Variants in MED1 observed in about 807,000 individuals in gnomAD.
MED1 encodes mediator complex subunit 1.
MED1 carries 17 observed loss-of-function variants against 121.3 expected under a neutral mutation model. The observed-to-expected ratio is 0.14, with a 90% CI of 0.10 to 0.21. The LOEUF (loss-of-function observed/expected upper bound fraction) is 0.21. Ranked by LOEUF, MED1 falls within the 10% of genes least tolerant of loss-of-function variation. The pLI is 1.00. For synonymous variants in MED1, 661 were observed against 694.4 expected (o/e 0.95, Z 0.76); for missense variants, 1,558 against 1,919.4 (o/e 0.81, Z 3.52).
chr17:39,443,458 C>A, intron 3 of MED1, 92 bp downstream of exon 3: 1 of 1,051,948 alleles, frequency 9.5e-7, no homozygotes. Context: ...AGTTGACCTA[C>A]CTCAATTTTT....
chr17:39,437,562 T>C (rs991847734), intron 6 of MED1, among the ~76,000 whole-genome samples: 1 of 152,108 alleles, frequency 6.6e-6, no homozygotes, highest in Non-Finnish European at 1.5e-5. Context: ...CAAATTGTCA[T>C]TAGTACCAAG....
rs765299001 is a variant in MED1, at chr17:39,410,603, G to A, written c.1618C>T (p.Leu540=). 6.2e-7 allele frequency: 1 copy of A among 1,614,202 alleles called. No homozygotes were observed. The highest frequency in any genetic ancestry group is 1.7e-5 in the Admixed American group (1 of 60,010). The change falls in exon 17 of 17, where the codon CTG becomes TTG. Residue 540 remains leucine, a synonymous_variant. Coordinates refer to ENST00000300651, the MANE Select transcript of MED1 (RefSeq NM_004774.4). Reference sequence around the variant, plus strand: ...TACCCTGGGCTGCTAGCCGGGGGCAGGTTCTTTTTCACCATGTCTTCAACT... The same window carrying A: ...TACCCTGGGCTGCTAGCCGGGGGCAAGTTCTTTTTCACCATGTCTTCAACT... ...ETVEDMVKKN[L]PPASSPGYGM...
In MED1 at chr17:39,423,332, A is replaced by T; in HGVS notation, c.1090T>A (p.Tyr364Asn). Residue 364 changes from tyrosine (Y) to asparagine (N), a missense_variant, in exon 13 of 17, where the codon TAT (tyrosine) becomes AAT (asparagine). This residue lies in a region of MED1 where 443 missense variants were observed against 532.4 expected (regional missense o/e 0.83). Coordinates refer to ENST00000300651, the MANE Select transcript of MED1 (RefSeq NM_004774.4). ...PIPLNHNMRF[Y>N]AALPGQQHCY... Reference sequence around the variant, plus strand: ...CTCCCTAGGGCTTTACTTACAGCATAAAATCTCATGTTGTGATTCAAAGGT... The same window carrying T: ...CTCCCTAGGGCTTTACTTACAGCATTAAATCTCATGTTGTGATTCAAAGGT... 1 of 1,597,734 alleles carries T rather than the reference A, an allele frequency of 6.3e-7. No individual in the cohort carries two copies. The highest frequency in any genetic ancestry group is 1.3e-5 in the African/African-American group (1 of 74,670).
chr17:39,408,977 G>T lies in MED1; in HGVS notation c.3244C>A (p.Gln1082Lys). Reference protein sequence around the residue: ...VMVGKPSSHSQYTSSGSVSSS... With the variant: ...VMVGKPSSHSKYTSSGSVSSS... Reference sequence around the variant, plus strand: ...GACACAGAACCACTGCTGGTATACTGACTGTGAGAGGAAGGCTTGCCCACC... The same window carrying T: ...GACACAGAACCACTGCTGGTATACTTACTGTGAGAGGAAGGCTTGCCCACC... Residue 1082 changes from glutamine (Q) to lysine (K), a missense_variant, in exon 17 of 17, where the codon CAG becomes AAG. Physicochemically the swap from Gln to Lys is moderately conservative, Grantham distance 53 (BLOSUM62 1). Coordinates refer to ENST00000300651, the MANE Select transcript of MED1 (RefSeq NM_004774.4). This position sits in a 1 kb window ranked among gnomAD's most constrained non-coding sequence, Gnocchi z 4.7. 6.2e-7 allele frequency: 1 copy of T among 1,614,164 alleles called. No individual in the cohort carries two copies. The highest frequency in any genetic ancestry group is 1.1e-5 in the South Asian group (1 of 91,064).
chr17:39,437,826 C>T (rs992295681), intron 6 of MED1, among the ~76,000 whole-genome samples: 6 of 151,562 alleles, frequency 4.0e-5, no homozygotes, highest in South Asian at 2.1e-4. Flanking sequence ...CCCAGCTACT[C>T]GGGAGGCTGA....
At position 39,414,990 on chromosome 17, in the gene MED1, C is replaced by G. The variant is rs911862137; in HGVS notation, c.1499+36G>C. On this transcript the variant is annotated intron_variant, in intron 16 of 16. Coordinates refer to ENST00000300651, the MANE Select transcript of MED1 (RefSeq NM_004774.4). ...ACTCAACAACATTCTTTATACATCT[C>G]TAAATGGGACTCAGATGAAAAAGGG... 3.2e-6 allele frequency: 5 copies of G among 1,579,598 alleles called. No individual in the cohort carries two copies. In the African/African-American group the frequency reaches 5.4e-5, roughly 17 times the overall value.
chr17:39,443,767 T>C lies in MED1; in HGVS notation c.133-139A>G, dbSNP rs535805920. ...TAGTCTATAGATTTTGTAGACTATA[T>C]AGAGTAACACTGGTCTACAAGTGTT... On this transcript the variant is annotated intron_variant, in intron 2 of 16. Transcript: ENST00000300651. 3.7e-4 allele frequency: 243 copies of C among 657,652 alleles called. 4 individuals are homozygous for C. In the South Asian group the frequency reaches 4.5e-3, roughly 12 times the overall value. The allele number at this position is 657,652 out of a possible 1,614,324, so 40.7% of individuals were successfully genotyped here.
At position 39,406,085 on chromosome 17, in the gene MED1, G is replaced by A. The variant is rs541787591; in HGVS notation, c.*1390C>T. On this transcript the variant is annotated 3_prime_UTR_variant, in exon 17 of 17. Coordinates refer to ENST00000300651, the MANE Select transcript of MED1 (RefSeq NM_004774.4). ...GAGAACTTCTGTTGCACTCGAAACAGTCTCCTGGATTTCTATATTTTTATG... is the reference window on the plus strand; with the variant it reads ...GAGAACTTCTGTTGCACTCGAAACAATCTCCTGGATTTCTATATTTTTATG... 23 of 985,502 alleles carry A rather than the reference G, an allele frequency of 2.3e-5. No homozygotes were observed. The South Asian group carries it at 9.4e-4, about 40-fold the overall frequency. 61.0% of individuals were successfully genotyped at this position (985,502 alleles called of 1,614,324 possible). A position where few individuals can be genotyped will look rare whatever the true frequency, so the allele number is the denominator to read the frequency against.
At chr17:39,431,254 AT>A in intron 8 of MED1, 66 bp from the exon 9 acceptor site, 1 of 1,277,200 alleles carries the variant, frequency 7.8e-7, no homozygotes, top group East Asian at 2.4e-5. Flanking sequence ...ACACTGTGAT[AT>A]TGAGTTCACC....
At chr17:39,413,061 CG>C (rs1476642253) in intron 16 of MED1, among the ~76,000 whole-genome samples, 2 of 152,054 alleles carry the variant, frequency 1.3e-5, no homozygotes, top group African/African-American at 4.8e-5. Flanking sequence ...TTAACTATCA[CG>C]TAACAATTAA....
chr17:39,409,137 G>A lies in MED1; in HGVS notation c.3084C>T (p.Asn1028=), dbSNP rs1466149917. Residue 1028 remains asparagine, a synonymous_variant, in exon 17 of 17, where the codon AAC becomes AAT. Transcript: ENST00000300651. The stretch of plus-strand genomic sequence containing the variant: ...TACTGGTAGGTGGGGTAAAAGGTCT[G>A]TTAGAAGAACTATGAGATGGAGACT... ...EGKSPSHSSS[N]RPFTPPTSTG... 6.2e-7 allele frequency: 1 copy of A among 1,614,198 alleles called. No homozygotes were observed. The highest frequency in any genetic ancestry group is 2.2e-5 in the East Asian group (1 of 44,894).
At chr17:39,420,427 T>C (rs1177434929) in intron 13 of MED1, among the ~76,000 whole-genome samples, 1 of 151,858 alleles carries the variant, frequency 6.6e-6, no homozygotes, top group Non-Finnish European at 1.5e-5. Flanking sequence ...TGTCTCCATC[T>C]CCTGACTTCG....
Position 39,434,257 on chromosome 17 carries a change from TG to T in MED1, c.491del (p.Pro164GlnfsTer6). ...ATATTAAAAATACTTACTTGTCCCC[TG>T]GAAGGTTATACAGATTAACAAGGCC... ...LKGLVNLYNL[P>X]GDNKLKTKMY... On this transcript the variant is annotated frameshift_variant, in exon 7 of 17. Coordinates refer to ENST00000300651, the MANE Select transcript of MED1 (RefSeq NM_004774.4). LOFTEE classifies it high-confidence loss of function. 6.4e-7 allele frequency: 1 copy of T among 1,552,656 alleles called. No homozygotes were observed. Among genetic ancestry groups the T allele is most frequent in the Non-Finnish European group, 8.7e-7 (1 of 1,151,688 alleles).
At chr17:39,439,936 GAAA>G (rs552947074) in intron 5 of MED1, among the ~76,000 whole-genome samples, 2 of 117,412 alleles carry the variant, frequency 1.7e-5, no homozygotes, top group Non-Finnish European at 3.5e-5. Context: ...CTGTCCCAGG[GAAA>G]AAAAAAAAGA....
chr17:39,431,281 C>CTTT, intron 8 of MED1, 93 bp from the exon 9 acceptor site: 10 of 687,880 alleles, frequency 1.5e-5, no homozygotes, highest in Non-Finnish European at 2.3e-5. Context: ...GAAGTCTTGT[C>CTTT]TTTTTTTTTT....
intron 14 of MED1, among the ~76,000 whole-genome samples, chr17:39,416,941 G>C (rs1240390552): frequency 6.6e-6 from 1 of 152,182 alleles, no homozygotes; most frequent in Non-Finnish European, 1.5e-5. Flanking sequence ...AGGAGCCTGA[G>C]GGAAGAGTAT....
chr17:39,443,766 A>G, intron 2 of MED1, 138 bp from the exon 3 acceptor site: 3 of 658,670 alleles, frequency 4.6e-6, no homozygotes, highest in Non-Finnish European at 8.1e-6. Context: ...TGTAGACTAT[A>G]TAGAGTAACA....
At chr17:39,442,058 G>A (rs1334079425) in intron 3 of MED1, among the ~76,000 whole-genome samples, 4 of 150,748 alleles carry the variant, frequency 2.7e-5, no homozygotes, top group South Asian at 2.1e-4. Context: ...AGCAGAGATC[G>A]TGCCACTGCA....
intron 11 of MED1, 129 bp from the exon 12 acceptor site, chr17:39,423,950 T>C (rs7405667): frequency 0.73 from 799,470 of 1,093,540 alleles, 299,711 homozygotes; most frequent in South Asian, 0.89. Flanking sequence ...TGGCGTGATC[T>C]TGGCTCACTG....
Sources: gnomAD v4.1 joint callset for allele counts (sites outside exome capture counted in the v4.1 genomes callset) on GRCh38, gnomAD v4.1.1 for gene constraint, gnomAD v4.1.1 regional missense constraint, Gnocchi (gnomAD v3.1) non-coding constraint, MANE v1.5 for transcripts, NCBI Gene and HGNC (gene_info 2026-07-23, HGNC 2026-07-21) for gene names.